Variants in PAX2 observed in about 807,000 individuals in gnomAD.
The protein encoded by PAX2 is paired box 2.
A neutral mutation model predicts 41.7 loss-of-function variants in PAX2; 9 were observed. That is an observed-to-expected ratio of 0.22 (90% confidence interval 0.13 to 0.38). The LOEUF (loss-of-function observed/expected upper bound fraction) is 0.38, where lower values mean the gene tolerates loss of function less well. Ranked by LOEUF, PAX2 falls within the 10% of genes least tolerant of loss-of-function variation. The pLI is 1.00. For synonymous variants in PAX2, 221 were observed against 212.7 expected (o/e 1.04, Z -0.34); for missense variants, 418 against 531.6 (o/e 0.79, Z 2.10).
rs1312918491 is a variant in PAX2, at chr10:100,739,148, G to C, written c.25+3415G>C. Among the ~76,000 whole-genome samples, 3 of 152,210 alleles carry C rather than the reference G, an allele frequency of 2.0e-5. No homozygotes were observed. The East Asian group carries it at 5.8e-4, about 30-fold the overall frequency. On this transcript the variant is annotated intron_variant, in intron 1 of 9. Transcript: ENST00000679374. ...AACCCCTGGGACGTCCTGGCTCCAG[G>C]CTGGACGTAGGCGGAGGTGGCAGGA...
Position 100,827,853 on chromosome 10 carries a change from G to GCCCCGCCTGCCGCCCCT in PAX2, c.*246_*262dup. The GCCCCGCCTGCCGCCCCT allele has an allele frequency of 3.5e-6, 2 of 565,574 alleles. No homozygotes were observed. Among genetic ancestry groups the GCCCCGCCTGCCGCCCCT allele is most frequent in the African/African-American group, 2.0e-5 (1 of 48,930 alleles). 35.0% of individuals were successfully genotyped at this position (565,574 alleles called of 1,614,324 possible). ...CTCAGGCCCGGGCCCGCCGCCCCCA[G>GCCCCGCCTGCCGCCCCT]CCCCGCCTGCCGCCCCTCCCCGCCT... On this transcript the variant is annotated 3_prime_UTR_variant, in exon 10 of 10. Coordinates refer to ENST00000355243, the MANE Select transcript of PAX2 (RefSeq NM_000278.5). The surrounding 1 kb of genome is among the most constrained non-coding windows in gnomAD (Gnocchi z 8.5).
At chr10:100,747,882 T>A in intron 1 of PAX2, 1 of 984,508 alleles carries the variant, frequency 1.0e-6, no homozygotes, top group Non-Finnish European at 1.2e-6. Flanking sequence ...CTCGTTCTCC[T>A]TTTTTGCGGA....
rs187998016 is a variant in PAX2 at position 100,813,380 on chromosome 10, C to T, written c.919+4144C>T. Reference sequence around the variant, plus strand: ...AAATATAACAACAAAAATGTTAATACGCAGCAAATCTCACTCTTTGGTGCC... The same window carrying T: ...AAATATAACAACAAAAATGTTAATATGCAGCAAATCTCACTCTTTGGTGCC... On this transcript the variant is annotated intron_variant, in intron 7 of 9. Coordinates refer to ENST00000355243, the MANE Select transcript of PAX2 (RefSeq NM_000278.5). Among the ~76,000 whole-genome samples the T allele has an allele frequency of 7.9e-5, 12 of 152,278 alleles. No homozygotes were observed. The East Asian group carries it at 1.2e-3, about 15-fold the overall frequency.
chr10:100,828,040 G>T lies in PAX2; in HGVS notation c.*421G>T. The T allele has an allele frequency of 4.1e-6, 1 of 242,326 alleles. No homozygotes were observed. Among genetic ancestry groups the T allele is most frequent in the Non-Finnish European group, 7.9e-6 (1 of 125,788 alleles). The allele number at this position is 242,326 out of a possible 1,614,324, so 15.0% of individuals were successfully genotyped here. A position where few individuals can be genotyped will look rare whatever the true frequency, so the allele number is the denominator to read the frequency against. On this transcript the variant is annotated 3_prime_UTR_variant, in exon 10 of 10. Coordinates refer to ENST00000355243, the MANE Select transcript of PAX2 (RefSeq NM_000278.5). This position sits in a 1 kb window ranked among gnomAD's most constrained non-coding sequence, Gnocchi z 6.5. ...CACAATCAGCGCGGACCGCAGCGCGGCCCAGCCCCGGGCACCCGCCTCGGA... is the reference window on the plus strand; with the variant it reads ...CACAATCAGCGCGGACCGCAGCGCGTCCCAGCCCCGGGCACCCGCCTCGGA...
At chr10:100,825,133 C>A in intron 8 of PAX2, 1 of 727,796 alleles carries the variant, frequency 1.4e-6, no homozygotes, top group South Asian at 1.5e-5. Flanking sequence ...AACTTGGAGC[C>A]AAGAACCATT....
chr10:100,739,358 C>G (rs1589797871), intron 1 of PAX2, among the ~76,000 whole-genome samples: 1 of 152,376 alleles, frequency 6.6e-6, no homozygotes, highest in East Asian at 1.9e-4. Flanking sequence ...GGCGGGTCCC[C>G]CTGCCTTACC....
chr10:100,749,139 A>G (rs1469506821), intron 1 of PAX2: 1 of 985,514 alleles, frequency 1.0e-6, no homozygotes, highest in African/African-American at 1.7e-5. Context: ...AAAAACAAAC[A>G]ACACAGGAAA....
Position 100,807,619 on chromosome 10 carries a change from C to A in PAX2, c.792+1014C>A, listed in dbSNP as rs141238578. On this transcript the variant is annotated intron_variant, in intron 6 of 9. Transcript: ENST00000355243. The stretch of plus-strand genomic sequence containing the variant: ...GGAGCCAGTGGGTGTGTGCTGCCCC[C>A]AGATCACCAGCTCAGCATACCCCTA... Among the ~76,000 whole-genome samples, 738 of 152,346 alleles carry A rather than the reference C, an allele frequency of 4.8e-3. 5 individuals carry two copies. Among genetic ancestry groups the A allele is most frequent in the African/African-American group, 0.017 (704 of 41,574 alleles).
At chr10:100,810,818 G>A (rs1299680623) in intron 7 of PAX2, among the ~76,000 whole-genome samples, 2 of 152,196 alleles carry the variant, frequency 1.3e-5, no homozygotes, top group African/African-American at 4.8e-5. Context: ...CCCAGGGGCT[G>A]GTACAGAGAA....
chr10:100,748,783 C>T lies in PAX2; in HGVS notation c.44-963C>T. 2.0e-6 allele frequency: 2 copies of T among 985,340 alleles called. No individual in the cohort carries two copies. The highest frequency in any genetic ancestry group is 2.4e-6 in the Non-Finnish European group (2 of 829,938). 61.0% of individuals were successfully genotyped at this position (985,340 alleles called of 1,614,324 possible). On this transcript the variant is annotated intron_variant, in intron 1 of 9. Coordinates refer to ENST00000355243, the MANE Select transcript of PAX2 (RefSeq NM_000278.5). The surrounding 1 kb of genome is among the most constrained non-coding windows in gnomAD (Gnocchi z 5.0). ...GCAAAAGCCCGAGCCGCTCGGTTTC[C>T]TGGGGGGGCTGCCGAGGTCTGAGGG...
intron 7 of PAX2, among the ~76,000 whole-genome samples, chr10:100,813,493 G>A (rs1848072358): frequency 6.6e-6 from 1 of 152,200 alleles, no homozygotes; most frequent in Non-Finnish European, 1.5e-5. Context: ...GAGAGGATGG[G>A]GTTGTAACAC....
chr10:100,773,104 T>C (rs550913070), intron 3 of PAX2, among the ~76,000 whole-genome samples: 2 of 152,376 alleles, frequency 1.3e-5, no homozygotes, highest in Admixed American at 1.3e-4. Context: ...TCCCTGGGAT[T>C]AGTCTATGTG....
intron 5 of PAX2, among the ~76,000 whole-genome samples, chr10:100,793,947 C>T (rs147059031): frequency 1.3e-5 from 2 of 152,118 alleles, no homozygotes; most frequent in East Asian, 3.9e-4. Context: ...TCATTAAATG[C>T]CCAGACACAT....
At chr10:100,755,158 T>G (rs752852607) in intron 3 of PAX2, among the ~76,000 whole-genome samples, 3 of 152,206 alleles carry the variant, frequency 2.0e-5, no homozygotes, top group Non-Finnish European at 4.4e-5. Context: ...AAATTCTCAT[T>G]CCTTAAAATG....
At position 100,824,702 on chromosome 10, in the gene PAX2, C is replaced by T. The variant is rs746260464; in HGVS notation, c.974C>T (p.Thr325Ile). The T allele has an allele frequency of 6.2e-7, 1 of 1,611,324 alleles. No individual in the cohort carries two copies. The highest frequency in any genetic ancestry group is 8.5e-7 in the Non-Finnish European group (1 of 1,177,490). The change falls in exon 8 of 10, where the codon ACT becomes ATT. Residue 325 changes from threonine (T) to isoleucine (I), a missense_variant. Thr to Ile is a moderately conservative substitution (Grantham distance 89, BLOSUM62 -1). This residue lies in a region of PAX2 where 310 missense variants were observed against 325.2 expected (regional missense o/e 0.95). Transcript: ENST00000355243. This position sits in a 1 kb window ranked among gnomAD's most constrained non-coding sequence, Gnocchi z 6.6. ...GGTTACCCCCCTCACGTGCCCCCCA[C>T]TGGCCAGGGAAGCTACCCCACCTCC... ...LPGYPPHVPPTGQGSYPTSTL... is the reference protein window; with the variant it reads ...LPGYPPHVPPIGQGSYPTSTL...
chr10:100,774,889 A>T (rs1003157758), intron 3 of PAX2, among the ~76,000 whole-genome samples: 5 of 152,264 alleles, frequency 3.3e-5, no homozygotes, highest in African/African-American at 1.2e-4. Context: ...ACTCCCTTGG[A>T]AGTGTGGGAG....
upstream of PAX2, among the ~76,000 whole-genome samples, chr10:100,742,847 T>TTG (rs1768614036): frequency 3.5e-5 from 1 of 28,216 alleles, no homozygotes; most frequent in African/African-American, 3.2e-4. Flanking sequence ...TTCTTCCTTT[T>TTG]TTTTTTTTTT....
At chr10:100,798,128 T>TTTTTTTTTTTTTTTTTTTTTC in intron 5 of PAX2, among the ~76,000 whole-genome samples, 1 of 108,952 alleles carries the variant, frequency 9.2e-6, no homozygotes, top group Non-Finnish European at 1.9e-5. Flanking sequence ...TTTTTTTTTT[T>TTTTTTTTTTTTTTTTTTTTTC]AGACAGGGTC....
intron 3 of PAX2, among the ~76,000 whole-genome samples, chr10:100,769,177 C>T (rs939268970): frequency 6.6e-6 from 1 of 152,220 alleles, no homozygotes. Flanking sequence ...AGTTACCTAA[C>T]CTCTCTGAGT....
Sources: gnomAD v4.1 joint callset for allele counts (sites outside exome capture counted in the v4.1 genomes callset) on GRCh38, gnomAD v4.1.1 for gene constraint, gnomAD v4.1.1 regional missense constraint, Gnocchi (gnomAD v3.1) non-coding constraint, MANE v1.5 for transcripts, NCBI Gene and HGNC (gene_info 2026-07-23, HGNC 2026-07-21) for gene names.